Variants in SLC5A4 observed in about 807,000 individuals in gnomAD.
SLC5A4 encodes the protein probable glucose sensor protein SLC5A4.
SLC5A4 carries 55 observed loss-of-function variants against 70.3 expected under a neutral mutation model. The ratio of observed to expected loss-of-function variants is 0.78; its 90% CI spans 0.63 to 0.98. SLC5A4 has a LOEUF of 0.98. Ranked by LOEUF, SLC5A4 falls within the 50% of genes least tolerant of loss-of-function variation. The pLI is 0.00. For missense variants in SLC5A4, 735 were observed against 839.2 expected (o/e 0.88, Z 1.53); for synonymous variants, 268 against 305.7 (o/e 0.88, Z 1.29).
the SLC5A4 span, among the ~76,000 whole-genome samples, chr22:32,349,393 CT>C: frequency 6.6e-6 from 1 of 152,222 alleles, no homozygotes; most frequent in African/African-American, 2.4e-5. Context: ...AAAGTCAACT[CT>C]TTCTAGCATA....
rs531346050 is a variant in SLC5A4 at position 32,226,359 on chromosome 22, T to A, written c.1281-536A>T. On this transcript the variant is annotated intron_variant, in intron 11 of 14. Transcript: ENST00000266086. ...TAAAAAGCGTGTTAAAGGCTCCTGT[T>A]GTCCAGGGAGCATGACTTCTTAACC... 7.5e-4 allele frequency among the ~76,000 whole-genome samples: 115 copies of A among 152,350 alleles called. 3 individuals are homozygous for A. The South Asian group carries it at 0.023, about 30-fold the overall frequency.
At chr22:32,320,953 C>A in the SLC5A4 span, among the ~76,000 whole-genome samples, 2 of 152,222 alleles carry the variant, frequency 1.3e-5, no homozygotes, top group African/African-American at 4.8e-5. Flanking sequence ...CAACCCGTCA[C>A]CTTCCTAGGG....
chr22:32,332,035 C>T, the SLC5A4 span, among the ~76,000 whole-genome samples: 1 of 152,110 alleles, frequency 6.6e-6, no homozygotes, highest in African/African-American at 2.4e-5. Context: ...TTCTCAGCCC[C>T]CACCCCAGGC....
At chr22:32,244,027 C>T (rs544802096) in intron 5 of SLC5A4, among the ~76,000 whole-genome samples, 1 of 152,208 alleles carries the variant, frequency 6.6e-6, no homozygotes, top group Admixed American at 6.5e-5. Flanking sequence ...ACAGGTGTAG[C>T]AGGAGACGGT....
At chr22:32,281,487 A>C in the SLC5A4 span, among the ~76,000 whole-genome samples, 1 of 152,124 alleles carries the variant, frequency 6.6e-6, no homozygotes, top group Non-Finnish European at 1.5e-5. Flanking sequence ...CACTCCTAGC[A>C]CCAGCATTCA....
At chr22:32,297,409 C>A in the SLC5A4 span, among the ~76,000 whole-genome samples, 5 of 151,064 alleles carry the variant, frequency 3.3e-5, no homozygotes, top group Admixed American at 1.3e-4. Context: ...GGAATTTATC[C>A]ATTTCTTCTA....
chr22:32,260,128 C>T (rs1927690366), upstream of SLC5A4, among the ~76,000 whole-genome samples: 1 of 152,156 alleles, frequency 6.6e-6, no homozygotes, highest in South Asian at 2.1e-4. Flanking sequence ...GGAGAGGGGT[C>T]CCCCTATACT....
the SLC5A4 span, among the ~76,000 whole-genome samples, chr22:32,334,065 TACAC>T: frequency 3.4e-5 from 5 of 147,300 alleles, no homozygotes; most frequent in African/African-American, 1.3e-4. Flanking sequence ...TCACACAATA[TACAC>T]ACACTATGCC....
chr22:32,343,848 A>G, the SLC5A4 span, among the ~76,000 whole-genome samples: 1 of 152,254 alleles, frequency 6.6e-6, no homozygotes, highest in African/African-American at 2.4e-5. Flanking sequence ...GGAGTGAGTC[A>G]GAAGAGAAGC....
the SLC5A4 span, chr22:32,270,637 A>G: frequency 5.5e-6 from 4 of 731,784 alleles, 1 homozygote; most frequent in South Asian, 4.3e-5. Context: ...TGCCGAAAAC[A>G]TCGGGGACAA....
chr22:32,308,221 TC>T, the SLC5A4 span, among the ~76,000 whole-genome samples: 11,566 of 152,250 alleles, frequency 0.076, 613 homozygotes, highest in Admixed American at 0.16. Flanking sequence ...TGAAGGCTCT[TC>T]CTGTTGATGG....
the SLC5A4 span, among the ~76,000 whole-genome samples, chr22:32,267,863 G>A: frequency 6.6e-6 from 1 of 152,320 alleles, no homozygotes; most frequent in Non-Finnish European, 1.5e-5. Context: ...GGTGGCTCAC[G>A]CCTGTAATCC....
the SLC5A4 span, chr22:32,273,116 T>C: frequency 1.5e-5 from 7 of 463,302 alleles, no homozygotes; most frequent in Non-Finnish European, 2.6e-5. Context: ...TCTAGCTCCA[T>C]GGATGTCGCT....
the SLC5A4 span, among the ~76,000 whole-genome samples, chr22:32,341,164 G>A: frequency 6.6e-6 from 1 of 152,136 alleles, no homozygotes; most frequent in African/African-American, 2.4e-5. Context: ...CAGCTAGTCT[G>A]GATTCAAGGG....
At chr22:32,340,558 G>A in the SLC5A4 span, among the ~76,000 whole-genome samples, 1 of 152,238 alleles carries the variant, frequency 6.6e-6, no homozygotes, top group African/African-American at 2.4e-5. Flanking sequence ...AAGGGAGAGT[G>A]ACGGGAGTAG....
At chr22:32,265,462 A>C in the SLC5A4 span, among the ~76,000 whole-genome samples, 1 of 152,208 alleles carries the variant, frequency 6.6e-6, no homozygotes, top group Non-Finnish European at 1.5e-5. Context: ...AACTGCAAGG[A>C]GGATGAAAAG....
At chr22:32,330,870 G>GCTCT in the SLC5A4 span, among the ~76,000 whole-genome samples, 2 of 134,042 alleles carry the variant, frequency 1.5e-5, 1 homozygote, top group Admixed American at 1.6e-4. Context: ...GGTGTTGGAG[G>GCTCT]GTCTGCTGTG....
upstream of SLC5A4, among the ~76,000 whole-genome samples, chr22:32,256,264 C>T (rs12170692): frequency 0.052 from 7,837 of 152,034 alleles, 243 homozygotes; most frequent in East Asian, 0.097. Flanking sequence ...GCCATGATCA[C>T]GCCGCTGCAC....
chr22:32,332,777 T>C, the SLC5A4 span, among the ~76,000 whole-genome samples: 8 of 152,238 alleles, frequency 5.3e-5, no homozygotes, highest in East Asian at 1.3e-3. Context: ...TAATTTTTAA[T>C]ACTGCTTTGG....
Sources: gnomAD v4.1 joint callset for allele counts (sites outside exome capture counted in the v4.1 genomes callset) on GRCh38, gnomAD v4.1.1 for gene constraint, MANE v1.5 for transcripts, NCBI Gene and HGNC (gene_info 2026-07-23, HGNC 2026-07-21) for gene names.